Variants in TGM2 observed in about 807,000 individuals in gnomAD.
TGM2 encodes the protein protein-glutamine gamma-glutamyltransferase 2.
A neutral mutation model predicts 75.6 loss-of-function variants in TGM2; 53 were observed. That is an observed-to-expected ratio of 0.70 (90% CI 0.56 to 0.88). The LOEUF (loss-of-function observed/expected upper bound fraction) is 0.88, where lower values mean the gene tolerates loss of function less well. Ranked by LOEUF, TGM2 falls within the 40% of genes least tolerant of loss-of-function variation. TGM2 has a pLI of 0.00. For missense variants in TGM2, 842 were observed against 928.5 expected, an observed-to-expected ratio of 0.91 and a Z score of 1.21; for synonymous variants, 374 against 381.1, an observed-to-expected ratio of 0.98 and a Z score of 0.22.
intron 11 of TGM2, 119 bp from the exon 12 acceptor site, chr20:38,131,348 C>A: frequency 1.5e-6 from 2 of 1,356,768 alleles, no homozygotes; most frequent in Non-Finnish European, 2.0e-6. Context: ...CTGCCACGAT[C>A]ACCCCCCCTC....
At chr20:38,163,591 C>A (rs546477658) in intron 1 of TGM2, among the ~76,000 whole-genome samples, 1 of 152,258 alleles carries the variant, frequency 6.6e-6, no homozygotes, top group Non-Finnish European at 1.5e-5. Context: ...CACCTCACTA[C>A]AGCTCAGTTT....
At chr20:38,164,416 C>G (rs186581072) in intron 1 of TGM2, among the ~76,000 whole-genome samples, 6 of 152,240 alleles carry the variant, frequency 3.9e-5, no homozygotes, top group Non-Finnish European at 1.5e-5. Context: ...CTGGGACCTA[C>G]GAGAGTGCTG....
At chr20:38,160,748 T>C (rs370839133) in intron 2 of TGM2, among the ~76,000 whole-genome samples, 1 of 152,234 alleles carries the variant, frequency 6.6e-6, no homozygotes, top group African/African-American at 2.4e-5. Flanking sequence ...TTGGGCCTGA[T>C]CCCAGTGCCT....
intron 2 of TGM2, among the ~76,000 whole-genome samples, chr20:38,157,272 A>T (rs2075199893): frequency 6.6e-6 from 1 of 151,912 alleles, no homozygotes; most frequent in Non-Finnish European, 1.5e-5. Context: ...CTCAAATGTA[A>T]CCATGAACTA....
At chr20:38,157,251 C>T (rs2075199645) in intron 2 of TGM2, among the ~76,000 whole-genome samples, 2 of 152,106 alleles carry the variant, frequency 1.3e-5, no homozygotes, top group Admixed American at 6.5e-5. Flanking sequence ...GCCAGCCCCA[C>T]CCACACCCAG....
At chr20:38,159,140 C>T (rs936341338) in intron 2 of TGM2, among the ~76,000 whole-genome samples, 17 of 152,210 alleles carry the variant, frequency 1.1e-4, no homozygotes, top group African/African-American at 3.6e-4. Context: ...ACTCAGGGCC[C>T]TAATTACCTA....
chr20:38,145,549 G>A (rs2075033928), intron 6 of TGM2: 2 of 151,312 alleles, frequency 1.3e-5, no homozygotes, highest in African/African-American at 4.9e-5. Context: ...AAGACTACAG[G>A]TGCACCACCA....
Position 38,150,984 on chromosome 20 carries a change from C to T in TGM2, c.507G>A (p.Gln169=). Residue 169 remains glutamine (Q), a synonymous_variant, in exon 4 of 13, where the codon CAG becomes CAA. Transcript: ENST00000361475. ...YVLTQQGFIY[Q]GSAKFIKNIP... is the part of the protein sequence containing the mutation. ...TGTTCTTGATGAACTTGGCCGAGCCCTGGTAGATAAAGCCCTGCTGGGTGA... is the reference window on the plus strand; with the variant it reads ...TGTTCTTGATGAACTTGGCCGAGCCTTGGTAGATAAAGCCCTGCTGGGTGA... The T allele has an allele frequency of 6.2e-7, 1 of 1,614,172 alleles. No individual in the cohort carries two copies. The highest frequency in any genetic ancestry group is 1.1e-5 in the South Asian group (1 of 91,072).
chr20:38,130,499 C>A, intron 12 of TGM2, 130 bp from the exon 13 acceptor site: 1 of 1,029,438 alleles, frequency 9.7e-7, no homozygotes, highest in Non-Finnish European at 1.4e-6. Flanking sequence ...TCATTCTCGG[C>A]CCTCTGCGGG....
In TGM2 at chr20:38,130,155, A is replaced by C; in HGVS notation, c.*64T>G. 1 of 1,604,206 alleles carries C rather than the reference A, an allele frequency of 6.2e-7. No individual in the cohort carries two copies. The highest frequency in any genetic ancestry group is 2.2e-5 in the East Asian group (1 of 44,558). On this transcript the variant is annotated 3_prime_UTR_variant, in exon 13 of 13. Coordinates refer to ENST00000361475, the MANE Select transcript of TGM2 (RefSeq NM_004613.4). The stretch of plus-strand genomic sequence containing the variant: ...GCCCAAGAAGGGGCATATTTTGCTC[A>C]CTAGCTTGGGATAAGGATTGGGATC...
upstream of TGM2, chr20:38,165,374 C>T: frequency 1.2e-6 from 1 of 864,700 alleles, no homozygotes; most frequent in Non-Finnish European, 1.8e-6. Context: ...TTGCCCAGTC[C>T]CGGGCCCACG....
At position 38,130,384 on chromosome 20, in the gene TGM2, G is replaced by C. The variant is rs188603887; in HGVS notation, c.1914-15C>G. 7,592 of 1,575,706 alleles carry C rather than the reference G, an allele frequency of 4.8e-3. 29 individuals carry two copies. The highest frequency in any genetic ancestry group is 5.2e-3 in the Non-Finnish European group (6,016 of 1,160,446). On this transcript the variant is annotated splice_polypyrimidine_tract_variant and intron_variant, in intron 12 of 12. Coordinates refer to ENST00000361475, the MANE Select transcript of TGM2 (RefSeq NM_004613.4). ...CGGGGTCTGGGCTGCAGGGAGAGAG[G>C]GGGTGGTGAGGAAAGGGGCCCAAGG...
At chr20:38,141,718 G>A (rs747561516) in intron 7 of TGM2, among the ~76,000 whole-genome samples, 5 of 144,320 alleles carry the variant, frequency 3.5e-5, no homozygotes, top group East Asian at 4.2e-4. Flanking sequence ...CCTGGACCAC[G>A]CCCCAGCCCC....
chr20:38,140,235 AG>A (rs2074954727), intron 8 of TGM2, among the ~76,000 whole-genome samples: 1 of 152,274 alleles, frequency 6.6e-6, no homozygotes, highest in African/African-American at 2.4e-5. Flanking sequence ...CACTGTCCGC[AG>A]ACTTCCAATG....
At chr20:38,139,741 G>A in intron 8 of TGM2, 87 bp from the exon 9 acceptor site, 4 of 1,565,490 alleles carry the variant, frequency 2.6e-6, no homozygotes, top group Non-Finnish European at 2.6e-6. Context: ...ATCACATGTA[G>A]CCAAAAACCT....
At chr20:38,167,605 C>G (rs2075321600), upstream of TGM2, among the ~76,000 whole-genome samples, 3 of 152,190 alleles carry the variant, frequency 2.0e-5, no homozygotes, top group Admixed American at 2.0e-4. Context: ...TCCCAAAGTG[C>G]TGGGATTATA....
intron 5 of TGM2, 111 bp downstream of exon 5, chr20:38,147,850 C>G (rs1347166973): frequency 6.8e-6 from 10 of 1,473,250 alleles, no homozygotes. Context: ...CCAAGACTTA[C>G]CCATCTCCCG....
At chr20:38,165,349 C>A, upstream of TGM2, 1 of 1,147,164 alleles carries the variant, frequency 8.7e-7, no homozygotes, top group Non-Finnish European at 1.3e-6. Flanking sequence ...AGGCGGCGAC[C>A]TGGGAGGCCA....
At chr20:38,154,951 C>A (rs1476505957) in intron 3 of TGM2, among the ~76,000 whole-genome samples, 1 of 152,178 alleles carries the variant, frequency 6.6e-6, no homozygotes, top group African/African-American at 2.4e-5. Flanking sequence ...ACTAAAAATA[C>A]AAAAATTAGC....
Sources: allele counts gnomAD v4.1 joint callset (sites outside exome capture counted in the v4.1 genomes callset), GRCh38; gene constraint gnomAD v4.1.1; transcripts MANE v1.5; gene names NCBI Gene and HGNC (gene_info 2026-07-23, HGNC 2026-07-21).